The following FAM181A variants were observed in gnomAD, a reference collection of about 807,000 sequenced individuals.
FAM181A encodes the protein protein FAM181A.
A neutral mutation model predicts 16.3 loss-of-function variants in FAM181A; 7 were observed. The observed-to-expected ratio is 0.43, with a 90% CI of 0.24 to 0.81. FAM181A has a LOEUF of 0.81. Among genes scored for constraint, FAM181A ranks in the 30% least tolerant of loss-of-function variants. FAM181A has a pLI of 0.24. For synonymous variants in FAM181A, 183 were observed against 164.9 expected (o/e 1.11, Z -0.84); for missense variants, 349 against 377.5 (o/e 0.92, Z 0.63).
At chr14:93,920,395 G>C (rs1887679051) in intron 1 of FAM181A, among the ~76,000 whole-genome samples, 1 of 151,484 alleles carries the variant, frequency 6.6e-6, no homozygotes, top group South Asian at 2.1e-4. Context: ...TGCAGTGACA[G>C]AGCAAGACCT....
Position 93,928,602 on chromosome 14 carries a change from A to G in FAM181A, c.317A>G (p.Glu106Gly), listed in dbSNP as rs781008808. ...AAGGTGCTGAGGAACCCCTACAGGG[A>G]GGAATGTCTTGCTAAGGAGCAGCTC... is the stretch of plus-strand genomic sequence containing the variant. ...KEKVLRNPYR[E>G]ECLAKEQLPQ... The change falls in exon 2 of 2, where the codon GAG (glutamate) becomes GGG (glycine). Residue 106 changes from glutamate (E) to glycine (G), a missense_variant. Physicochemically the swap from Glu to Gly is moderately conservative, Grantham distance 98. Coordinates refer to ENST00000556222, the MANE Select transcript of FAM181A (RefSeq NM_001207073.2). 5.6e-6 allele frequency: 9 copies of G among 1,613,900 alleles called. No individual in the cohort carries two copies. Among genetic ancestry groups the G allele is most frequent in the Non-Finnish European group, 7.6e-6 (9 of 1,179,966 alleles).
chr14:93,928,021 C>T (rs1887983837), intron 1 of FAM181A, among the ~76,000 whole-genome samples, 178 bp from the exon 2 acceptor site: 1 of 152,166 alleles, frequency 6.6e-6, no homozygotes, highest in Non-Finnish European at 1.5e-5. Context: ...GTGCCTGCCG[C>T]ATCCCAGGTG....
chr14:93,928,300 T>C lies in FAM181A; in HGVS notation c.15T>C (p.Ser5=), dbSNP rs1284337997. 4.3e-6 allele frequency: 7 copies of C among 1,613,522 alleles called. No individual in the cohort carries two copies. In the Admixed American group the frequency reaches 6.7e-5, roughly 15 times the overall value. MASD[S]DVKMLLNFVN... The stretch of plus-strand genomic sequence containing the variant: ...GCCCCCTGGTGATGGCATCCGACAG[T>C]GATGTGAAGATGCTGCTGAACTTCG... The change falls in exon 2 of 2, where the codon AGT becomes AGC. Residue 5 remains serine, a synonymous_variant. Coordinates refer to ENST00000556222, the MANE Select transcript of FAM181A (RefSeq NM_001207073.2).
At chr14:93,927,631 G>A in intron 1 of FAM181A, 177 bp downstream of exon 1, 1 of 1,285,328 alleles carries the variant, frequency 7.8e-7, no homozygotes, top group South Asian at 1.2e-5. Context: ...CGCAAGGCAG[G>A]TCTCGATTAA....
chr14:93,927,292 A>AG, upstream of FAM181A: 8 of 1,034,858 alleles, frequency 7.7e-6, no homozygotes, highest in Non-Finnish European at 9.3e-6. Context: ...GATTGGCCTG[A>AG]GGGGCCCCCC....
chr14:93,919,036 C>T lies in FAM181A; in HGVS notation c.-225+42C>T, dbSNP rs117720558. On this transcript the variant is annotated intron_variant, in intron 1 of 2. Transcript: ENST00000267594. ...GGTGGGGGAGCGTGCAGAGCAGGGG[C>T]GTGAATGTGGGGCGGTGGTCCATCT... 263 of 152,222 alleles carry T rather than the reference C, an allele frequency of 1.7e-3. 6 individuals are homozygous for T. In the East Asian group the frequency reaches 0.043, roughly 25 times the overall value. 9.4% of individuals were successfully genotyped at this position (152,222 alleles called of 1,614,324 possible).
At chr14:93,925,477 C>T, upstream of FAM181A, 2 of 984,176 alleles carry the variant, frequency 2.0e-6, no homozygotes, top group South Asian at 1.6e-5. Flanking sequence ...GGCCACAGGC[C>T]CTCAGGGCGC....
chr14:93,919,712 ACATAGGTCTTTCTCGTTGC>A (rs1181702354), intron 1 of FAM181A, among the ~76,000 whole-genome samples: 1 of 152,190 alleles, frequency 6.6e-6, no homozygotes, highest in Non-Finnish European at 1.5e-5. Context: ...AGAAAGTCCC[ACATAGGTCTTTCTCGTTGC>A]CAAAGAGGAC....
Position 93,928,223 on chromosome 14 carries a change from G to A in FAM181A, c.-63G>A. ...GGTCAGCTCGGTGCCCTTCCTTGGA[G>A]CTGCCGGCCACCAGCAGAGCCTACC... On this transcript the variant is annotated 5_prime_UTR_variant, in exon 2 of 2. Transcript: ENST00000556222. 2 of 1,613,400 alleles carry A rather than the reference G, an allele frequency of 1.2e-6. No homozygotes were observed. The highest frequency in any genetic ancestry group is 1.7e-6 in the Non-Finnish European group (2 of 1,179,876).
At chr14:93,923,756 C>T (rs1887807010), upstream of FAM181A, 1 of 152,246 alleles carries the variant, frequency 6.6e-6, no homozygotes, top group Non-Finnish European at 1.5e-5. Flanking sequence ...GCCAGCACAG[C>T]TCATGTGCCT....
chr14:93,925,481 AGGG>A, upstream of FAM181A: 1 of 969,282 alleles, frequency 1.0e-6, no homozygotes, highest in South Asian at 1.7e-5. Context: ...ACAGGCCCTC[AGGG>A]CGCTCTCTTC....
At position 93,929,498 on chromosome 14, in the gene FAM181A, A is replaced by G. The variant is rs991504874; in HGVS notation, c.*334A>G. On this transcript the variant is annotated 3_prime_UTR_variant, in exon 2 of 2. Transcript: ENST00000556222. ...AGAAGCCAGAGAGACGCATCTGTTT[A>G]CCTGCCACCCACTCTGCGAGCCAAT... is the stretch of plus-strand genomic sequence containing the variant. The G allele has an allele frequency of 5.9e-6, 2 of 338,474 alleles. No homozygotes were observed. Among genetic ancestry groups the G allele is most frequent in the South Asian group, 1.5e-4 (1 of 6,862 alleles). The allele number at this position is 338,474 out of a possible 1,614,324, so 21.0% of individuals were successfully genotyped here. A position where few individuals can be genotyped will look rare whatever the true frequency, so the allele number is the denominator to read the frequency against.
intron 1 of FAM181A, among the ~76,000 whole-genome samples, chr14:93,921,335 C>T (rs890163750): frequency 3.3e-5 from 5 of 152,228 alleles, no homozygotes; most frequent in African/African-American, 1.2e-4. Context: ...TGGACTGCAG[C>T]CAGGGGTGCT....
At chr14:93,920,514 C>T (rs368190222) in intron 1 of FAM181A, among the ~76,000 whole-genome samples, 4 of 151,646 alleles carry the variant, frequency 2.6e-5, no homozygotes, top group Non-Finnish European at 5.9e-5. Flanking sequence ...GAAAAGCAGG[C>T]TAAAATAGTA....
upstream of FAM181A, among the ~76,000 whole-genome samples, chr14:93,925,793 T>C (rs1456253646): frequency 1.3e-5 from 2 of 151,916 alleles, no homozygotes; most frequent in African/African-American, 4.8e-5. Context: ...AAGGCCTAAA[T>C]TGAGTCACAG....
At chr14:93,918,970 A>G (rs1168463202) in exon 1 of FAM181A, 2 of 152,198 alleles carry the variant, frequency 1.3e-5, no homozygotes, top group Admixed American at 6.6e-5. Context: ...GACGAGGCCT[A>G]TCAGTACTGG....
chr14:93,928,327 G>T lies in FAM181A; in HGVS notation c.42G>T (p.Val14=), dbSNP rs758442276. ...ATGTGAAGATGCTGCTGAACTTCGT[G>T]AACCTGGCGTCCAGCGACATCAAGG... ...DSDVKMLLNF[V]NLASSDIKAA... The change falls in exon 2 of 2, where the codon GTG becomes GTT. Residue 14 remains valine (V), a synonymous_variant. Coordinates refer to ENST00000556222, the MANE Select transcript of FAM181A (RefSeq NM_001207073.2). The T allele has an allele frequency of 6.2e-7, 1 of 1,613,866 alleles. No homozygotes were observed. Among genetic ancestry groups the T allele is most frequent in the Non-Finnish European group, 8.5e-7 (1 of 1,180,026 alleles).
At chr14:93,919,816 C>T (rs543863335) in intron 1 of FAM181A, among the ~76,000 whole-genome samples, 143 of 152,150 alleles carry the variant, frequency 9.4e-4, no homozygotes, top group Middle Eastern at 3.4e-3. Flanking sequence ...TTGTGAGATG[C>T]GGCCAAAGCA....
chr14:93,925,007 C>CT, upstream of FAM181A: 1 of 493,588 alleles, frequency 2.0e-6, no homozygotes, highest in Non-Finnish European at 3.5e-6. Flanking sequence ...CCTTTCCTTT[C>CT]TCTCTTCCCT....
Sources: gnomAD v4.1 joint callset for allele counts (sites outside exome capture counted in the v4.1 genomes callset) on GRCh38, gnomAD v4.1.1 for gene constraint, MANE v1.5 for transcripts, NCBI Gene and HGNC (gene_info 2026-07-23, HGNC 2026-07-21) for gene names.